Variants in CCDC3 observed in about 807,000 individuals in gnomAD.
CCDC3 encodes coiled-coil domain-containing protein 3.
Under a neutral mutation model 21.4 loss-of-function variants are expected in CCDC3, and 24 were observed. The observed-to-expected ratio is 1.12, with a 90% CI of 0.81 to 1.58. The LOEUF (loss-of-function observed/expected upper bound fraction) is 1.58. Among genes scored for constraint, CCDC3 ranks in the 40% most tolerant of loss-of-function variants. The pLI, the probability that CCDC3 is intolerant of heterozygous loss-of-function variation, is 0.00. For missense variants in CCDC3, 425 were observed against 360.9 expected (o/e 1.18, Z -1.44); for synonymous variants, 186 against 166.0 (o/e 1.12, Z -0.93).
chr10:13,098,710 A>ATTTTTTTTGTTTTTTTT (rs1832667132), intron 2 of CCDC3: 1 of 64,854 alleles, frequency 1.5e-5, no homozygotes, highest in Non-Finnish European at 2.7e-5. Flanking sequence ...TCCTGCACTG[A>ATTTTTTTTGTTTTTTTT]TTTTTTTTTT....
At chr10:13,038,902 C>G (rs1836413458) in intron 5 of CCDC3, among the ~76,000 whole-genome samples, 1 of 152,214 alleles carries the variant, frequency 6.6e-6, no homozygotes, top group Admixed American at 6.5e-5. Context: ...CACACCTGCT[C>G]AAGGTGGTTC....
intron 2 of CCDC3, among the ~76,000 whole-genome samples, chr10:12,923,728 C>T (rs117673636): frequency 1.0e-3 from 158 of 152,280 alleles, no homozygotes; most frequent in Admixed American, 1.7e-3. Context: ...TGTTTGACTC[C>T]GGTCTGTGTC....
At chr10:13,040,938 T>C (rs1836446597) in intron 5 of CCDC3, among the ~76,000 whole-genome samples, 1 of 152,208 alleles carries the variant, frequency 6.6e-6, no homozygotes, top group Non-Finnish European at 1.5e-5. Flanking sequence ...TTTACTCTTT[T>C]AAGACCTTGA....
chr10:13,014,238 G>C (rs1836021014), intron 5 of CCDC3, among the ~76,000 whole-genome samples: 1 of 151,662 alleles, frequency 6.6e-6, no homozygotes, highest in Non-Finnish European at 1.5e-5. Flanking sequence ...CAGATCACAA[G>C]GTCAGGAGAT....
intron 4 of CCDC3, among the ~76,000 whole-genome samples, chr10:13,057,595 T>A (rs1359016424): frequency 2.0e-5 from 3 of 152,030 alleles, no homozygotes; most frequent in Non-Finnish European, 2.9e-5. Context: ...AATTGTTTGG[T>A]TTGACCGGGC....
intron 5 of CCDC3, among the ~76,000 whole-genome samples, chr10:13,034,975 A>G (rs1409823068): frequency 6.6e-6 from 1 of 151,964 alleles, no homozygotes; most frequent in Non-Finnish European, 1.5e-5. Context: ...GCAGTGAGCC[A>G]AGATCACGCC....
intron 5 of CCDC3, among the ~76,000 whole-genome samples, chr10:13,030,922 A>T (rs1836291824): frequency 6.6e-6 from 1 of 152,226 alleles, no homozygotes; most frequent in South Asian, 2.1e-4. Context: ...CACTGTCAAC[A>T]TTAGACAGAT....
chr10:13,058,238 T>C, intron 4 of CCDC3: 1 of 1,345,158 alleles, frequency 7.4e-7, no homozygotes, highest in Non-Finnish European at 1.1e-6. Flanking sequence ...AAGGCCTGCA[T>C]CCAAATAGCA....
At chr10:13,026,175 GTCTCAAAAATAAA>G (rs1222707086) in intron 5 of CCDC3, among the ~76,000 whole-genome samples, 2 of 152,048 alleles carry the variant, frequency 1.3e-5, no homozygotes, top group African/African-American at 4.8e-5. Context: ...ATGAGACTCT[GTCTCAAAAATAAA>G]TAAAAATAAA....
At chr10:13,005,149 C>T (rs983364134), upstream of CCDC3, among the ~76,000 whole-genome samples, 3 of 152,184 alleles carry the variant, frequency 2.0e-5, no homozygotes, top group Non-Finnish European at 4.4e-5. Flanking sequence ...AAAGTTCTAT[C>T]GACTGGGAGA....
chr10:12,978,849 T>C (rs1329788734), intron 2 of CCDC3, among the ~76,000 whole-genome samples: 2 of 152,196 alleles, frequency 1.3e-5, no homozygotes, highest in Non-Finnish European at 1.5e-5. Flanking sequence ...TGTTCTTCCT[T>C]CATTTTTTAA....
intron 2 of CCDC3, among the ~76,000 whole-genome samples, chr10:12,922,688 C>G (rs1209714132): frequency 6.6e-6 from 1 of 152,072 alleles, no homozygotes; most frequent in Non-Finnish European, 1.5e-5. Flanking sequence ...CGCAGGAACC[C>G]AGGATGTTTA....
chr10:12,992,346 G>A (rs529302769), intron 2 of CCDC3, among the ~76,000 whole-genome samples: 6 of 152,138 alleles, frequency 3.9e-5, no homozygotes, highest in East Asian at 1.9e-4. Flanking sequence ...CTGAGATTGC[G>A]CCACTGCACT....
At chr10:12,950,531 C>A (rs1040454393) in intron 2 of CCDC3, among the ~76,000 whole-genome samples, 2 of 152,174 alleles carry the variant, frequency 1.3e-5, no homozygotes, top group Non-Finnish European at 2.9e-5. Context: ...AAGAGCAGAA[C>A]GAGGCAAATT....
At chr10:12,954,774 T>C (rs1004849036) in intron 2 of CCDC3, among the ~76,000 whole-genome samples, 2 of 152,156 alleles carry the variant, frequency 1.3e-5, no homozygotes, top group Non-Finnish European at 2.9e-5. Flanking sequence ...AATTTCAACA[T>C]GGAATTTGGA....
At chr10:12,913,394 G>A (rs1005901675) in intron 2 of CCDC3, among the ~76,000 whole-genome samples, 1 of 152,138 alleles carries the variant, frequency 6.6e-6, no homozygotes, top group South Asian at 2.1e-4. Flanking sequence ...TTCATTGTTA[G>A]TGCATAGAAA....
At chr10:12,967,579 G>A (rs765309697) in intron 2 of CCDC3, among the ~76,000 whole-genome samples, 7 of 152,070 alleles carry the variant, frequency 4.6e-5, no homozygotes, top group African/African-American at 1.7e-4. Flanking sequence ...AAAAAAGTCT[G>A]TGAACTCAAA....
At chr10:12,914,007 G>T (rs764608663) in intron 2 of CCDC3, among the ~76,000 whole-genome samples, 21 of 152,050 alleles carry the variant, frequency 1.4e-4, no homozygotes, top group Non-Finnish European at 2.2e-4. Context: ...GAGAACTTTT[G>T]CATCTACGTT....
Position 13,074,388 on chromosome 10 carries a change from A to G in CCDC3, c.-502-288T>C, listed in dbSNP as rs185634963. On this transcript the variant is annotated intron_variant, in intron 3 of 6. Transcript: ENST00000378839. ...TGTAGTAGAGACGGGGTTTTTCCAT[A>G]TTGGTCAGGCTGGTCTCGAACTCCC... Among the ~76,000 whole-genome samples the G allele has an allele frequency of 4.0e-3, 437 of 110,082 alleles. 1 individual carries two copies. Among genetic ancestry groups the G allele is most frequent in the African/African-American group, 0.015 (409 of 27,866 alleles). The allele number at this position is 110,082 out of a possible 152,430, so 72.2% of individuals were successfully genotyped here.
Sources: allele counts gnomAD v4.1 joint callset (sites outside exome capture counted in the v4.1 genomes callset), GRCh38; gene constraint gnomAD v4.1.1; transcripts MANE v1.5; gene names NCBI Gene and HGNC (gene_info 2026-07-23, HGNC 2026-07-21).